The following SMCO1 variants were observed in gnomAD, a reference collection of about 807,000 sequenced individuals.
The protein encoded by SMCO1 is single-pass membrane protein with coiled-coil domains 1.
In SMCO1, 9 loss-of-function variants were observed where a neutral mutation model predicts 7.5. That is an observed-to-expected ratio of 1.20 (90% CI 0.72 to 2.09). The LOEUF is 2.09. Among genes scored for constraint, SMCO1 ranks in the 30% most tolerant of loss-of-function variants. The pLI is 0.00. For synonymous variants in SMCO1, 90 were observed against 93.8 expected (o/e 0.96, Z 0.23); for missense variants, 219 against 253.1 (o/e 0.87, Z 0.91).
At chr3:196,519,305 T>G (rs1348115851), upstream of SMCO1, among the ~76,000 whole-genome samples, 3 of 152,236 alleles carry the variant, frequency 2.0e-5, no homozygotes, top group Non-Finnish European at 4.4e-5. Context: ...CTACTAGTCC[T>G]CGTGCGAGCA....
At position 196,507,869 on chromosome 3, in the gene SMCO1, G is replaced by A; in HGVS notation, c.*18C>T. On this transcript the variant is annotated 3_prime_UTR_variant, in exon 3 of 3. Coordinates refer to ENST00000397537, the MANE Select transcript of SMCO1 (RefSeq NM_001077657.3). ...ATAAATTACTGTAGGTGGAATCACT[G>A]GGTCATAGGGTAACAGGTTAGTTTT... The A allele has an allele frequency of 1.3e-6, 2 of 1,498,278 alleles. No individual in the cohort carries two copies. Among genetic ancestry groups the A allele is most frequent in the Non-Finnish European group, 1.8e-6 (2 of 1,091,486 alleles). 92.8% of individuals were successfully genotyped at this position (1,498,278 alleles called of 1,614,324 possible). A position where few individuals can be genotyped will look rare whatever the true frequency, so the allele number is the denominator to read the frequency against.
chr3:196,516,075 T>C (rs1417456978), upstream of SMCO1, among the ~76,000 whole-genome samples: 1 of 136,952 alleles, frequency 7.3e-6, no homozygotes, highest in African/African-American at 2.6e-5. Context: ...AATATATAAT[T>C]TATATCGTAT....
intron 1 of SMCO1, among the ~76,000 whole-genome samples, chr3:196,514,409 C>G (rs1168378212): frequency 6.6e-6 from 1 of 152,156 alleles, no homozygotes; most frequent in Non-Finnish European, 1.5e-5. Flanking sequence ...CTCCTACTTG[C>G]ACTTTAAGAT....
In SMCO1 at chr3:196,515,186, C is replaced by T. The variant is rs1560285656; in HGVS notation, c.24G>A (p.Leu8=). ...TTTTCATTGCCTCCTTCAAGGATAT[C>T]AGGGTTGTGGTTTCATTGTTCATCT... The part of the protein sequence containing the change: MNNETTT[L]ISLKEAMKRV... Residue 8 remains leucine (L), a synonymous_variant, in exon 1 of 3, where the codon CTG becomes CTA. Coordinates refer to ENST00000397537, the MANE Select transcript of SMCO1 (RefSeq NM_001077657.3). 2 of 1,613,998 alleles carry T rather than the reference C, an allele frequency of 1.2e-6. No homozygotes were observed. Among genetic ancestry groups the T allele is most frequent in the Non-Finnish European group, 1.7e-6 (2 of 1,179,836 alleles).
upstream of SMCO1, among the ~76,000 whole-genome samples, chr3:196,516,045 T>G (rs1329098756): frequency 1.4e-5 from 1 of 72,776 alleles, no homozygotes; most frequent in African/African-American, 6.5e-5. Flanking sequence ...ATATATAAAA[T>G]TATACATATA....
chr3:196,518,836 T>A (rs1024902263), upstream of SMCO1, among the ~76,000 whole-genome samples: 1 of 152,184 alleles, frequency 6.6e-6, no homozygotes, highest in Non-Finnish European at 1.5e-5. Flanking sequence ...TCTTAGAGAC[T>A]TGGATGTCAG....
chr3:196,520,619 G>A, the SMCO1 span, among the ~76,000 whole-genome samples: 1 of 152,156 alleles, frequency 6.6e-6, no homozygotes. Flanking sequence ...AGGGAGACAA[G>A]CCGATTTTCT....
At chr3:196,515,501 T>C (rs1733362596), upstream of SMCO1, 1 of 394,548 alleles carries the variant, frequency 2.5e-6, no homozygotes, top group Non-Finnish European at 4.7e-6. Flanking sequence ...AACAACCATG[T>C]ATAATTAATG....
In SMCO1 at chr3:196,509,645, T is replaced by C; in HGVS notation, c.75A>G (p.Leu25=). ...AGTCTAGTTCTTTGAACTGTGTTTC[T>C]AACGCTTGGAGTTTGTGGTCTACTC... The part of the protein sequence containing the change: ...MKRVDHKLQA[L]ETQFKELDFT... The change falls in exon 2 of 3, where the codon TTA becomes TTG. Residue 25 remains leucine, a synonymous_variant. Transcript: ENST00000397537. The C allele has an allele frequency of 6.2e-7, 1 of 1,614,154 alleles. No homozygotes were observed. The highest frequency in any genetic ancestry group is 8.5e-7 in the Non-Finnish European group (1 of 1,179,970).
rs1173792643 is a variant in SMCO1, at chr3:196,507,765, AATTT to A, written c.*118_*121del. ...AGTATCTATTGTATCAATTTGTCAT[AATTT>A]ATTTAACATCCTCTCACTCTTTGCT... is the stretch of plus-strand genomic sequence containing the variant. On this transcript the variant is annotated 3_prime_UTR_variant, in exon 3 of 3. Transcript: ENST00000397537. 4.7e-6 allele frequency: 3 copies of A among 636,956 alleles called. No homozygotes were observed. Among genetic ancestry groups the A allele is most frequent in the Non-Finnish European group, 5.5e-6 (2 of 365,882 alleles). The allele number at this position is 636,956 out of a possible 1,614,324, so 39.5% of individuals were successfully genotyped here.
In SMCO1 at chr3:196,515,201, A is replaced by G; in HGVS notation, c.9T>C (p.Asn3=). MN[N]ETTTLISLKE... ...TCAAGGATATCAGGGTTGTGGTTTC[A>G]TTGTTCATCTTCTGAAGGCAAAAGG... is the stretch of plus-strand genomic sequence containing the variant. The change falls in exon 1 of 3, where the codon AAT becomes AAC. Residue 3 remains asparagine (N), a synonymous_variant. Coordinates refer to ENST00000397537, the MANE Select transcript of SMCO1 (RefSeq NM_001077657.3). 3 of 1,612,990 alleles carry G rather than the reference A, an allele frequency of 1.9e-6. No individual in the cohort carries two copies. Among genetic ancestry groups the G allele is most frequent in the East Asian group, 2.2e-5 (1 of 44,882 alleles).
At position 196,507,012 on chromosome 3, in the gene SMCO1, A is replaced by T. The variant is rs1733062202; in HGVS notation, c.*875T>A. On this transcript the variant is annotated 3_prime_UTR_variant, in exon 3 of 3. Coordinates refer to ENST00000397537, the MANE Select transcript of SMCO1 (RefSeq NM_001077657.3). ...GCTAGAAATGGGCAAGTGCATGCTG[A>T]TTGGTCTGTGGCTATGCTTGACAAA... The T allele has an allele frequency of 6.6e-6, 1 of 152,182 alleles. No homozygotes were observed. Among genetic ancestry groups the T allele is most frequent in the African/African-American group, 2.4e-5 (1 of 41,424 alleles). 9.4% of individuals were successfully genotyped at this position (152,182 alleles called of 1,614,324 possible).
chr3:196,518,934 A>G (rs1165330340), upstream of SMCO1, among the ~76,000 whole-genome samples: 1 of 152,182 alleles, frequency 6.6e-6, no homozygotes, highest in Non-Finnish European at 1.5e-5. Context: ...CCTTTCAACA[A>G]GGAAACCTAA....
intron 1 of SMCO1, among the ~76,000 whole-genome samples, chr3:196,510,616 A>T (rs557981033): frequency 6.6e-6 from 1 of 151,594 alleles, no homozygotes; most frequent in South Asian, 2.1e-4. Flanking sequence ...TAATTGTCCA[A>T]CTCTTATCCT....
chr3:196,512,827 T>C (rs565568566), intron 1 of SMCO1, among the ~76,000 whole-genome samples: 1 of 152,222 alleles, frequency 6.6e-6, no homozygotes, highest in Non-Finnish European at 1.5e-5. Flanking sequence ...ATTTTCAATA[T>C]GTTTTGTGCA....
chr3:196,518,662 C>T (rs540899880), upstream of SMCO1, among the ~76,000 whole-genome samples: 7 of 152,324 alleles, frequency 4.6e-5, no homozygotes, highest in African/African-American at 9.6e-5. Flanking sequence ...TTTGGGGGCT[C>T]ATCCGGAATC....
upstream of SMCO1, chr3:196,515,445 T>C: frequency 3.9e-6 from 2 of 517,928 alleles, no homozygotes; most frequent in Non-Finnish European, 6.9e-6. Context: ...GAATGCACTA[T>C]AACATTTGCC....
intron 1 of SMCO1, among the ~76,000 whole-genome samples, chr3:196,512,273 ATTG>A (rs1733263714): frequency 6.6e-6 from 1 of 151,984 alleles, no homozygotes; most frequent in African/African-American, 2.4e-5. Flanking sequence ...GGCCAAGTAG[ATTG>A]TTGTTATGAG....
intron 1 of SMCO1, among the ~76,000 whole-genome samples, chr3:196,511,935 C>A (rs1482125367): frequency 3.4e-5 from 2 of 58,870 alleles, no homozygotes; most frequent in South Asian, 5.3e-4. Flanking sequence ...GCCTGGGCCA[C>A]CTAGATTGTC....
Sources: allele counts gnomAD v4.1 joint callset (sites outside exome capture counted in the v4.1 genomes callset), GRCh38; gene constraint gnomAD v4.1.1; transcripts MANE v1.5; gene names NCBI Gene and HGNC (gene_info 2026-07-23, HGNC 2026-07-21).